Variants in MDGA2 observed in about 807,000 individuals in gnomAD.
MDGA2 encodes the protein MAM domain containing glycosylphosphatidylinositol anchor 2.
A neutral mutation model predicts 117.8 loss-of-function variants in MDGA2; 40 were observed. That is an observed-to-expected ratio of 0.34 (90% CI 0.26 to 0.44). MDGA2 has a LOEUF of 0.44. Among genes scored for constraint, MDGA2 ranks in the 20% least tolerant of loss-of-function variants. The pLI is 1.00. For missense variants in MDGA2, 1,123 were observed against 1,250.6 expected, an observed-to-expected ratio of 0.90 and a Z score of 1.54; for synonymous variants, 452 against 439.0, an observed-to-expected ratio of 1.03 and a Z score of -0.37.
intron 1 of MDGA2, among the ~76,000 whole-genome samples, chr14:47,627,946 C>T (rs147344985): frequency 1.6e-4 from 24 of 152,258 alleles, no homozygotes; most frequent in African/African-American, 3.6e-4. Flanking sequence ...GGACACGCCA[C>T]CTTTAAGAAC....
At chr14:47,297,004 T>C (rs1889096856) in intron 2 of MDGA2, among the ~76,000 whole-genome samples, 1 of 152,204 alleles carries the variant, frequency 6.6e-6, no homozygotes, top group Non-Finnish European at 1.5e-5. Flanking sequence ...CTGGCCCCAA[T>C]GCAGGGGTTT....
At position 47,143,690 on chromosome 14, in the gene MDGA2, A is replaced by AT. The variant is rs908086758; in HGVS notation, c.792+387dup. On this transcript the variant is annotated intron_variant, in intron 4 of 16. Transcript: ENST00000399232. ...AAATAAATTTCAAACAAGTTTCTTCATTTTTTTAATAGTTATTCACCATTT... is the reference window on the plus strand; with the variant it reads ...AAATAAATTTCAAACAAGTTTCTTCATTTTTTTTAATAGTTATTCACCATTT... Among the ~76,000 whole-genome samples, 14 of 152,094 alleles carry AT rather than the reference A, an allele frequency of 9.2e-5. No individual in the cohort carries two copies. In the South Asian group the frequency reaches 1.9e-3, roughly 20 times the overall value.
intron 1 of MDGA2, among the ~76,000 whole-genome samples, chr14:47,665,310 C>T (rs1897923552): frequency 6.6e-6 from 1 of 152,080 alleles, no homozygotes; most frequent in South Asian, 2.1e-4. Context: ...TTTGTTTTTC[C>T]ATTTGTTTCT....
chr14:47,255,087 T>C (rs1887573671), intron 2 of MDGA2, among the ~76,000 whole-genome samples: 2 of 152,312 alleles, frequency 1.3e-5, no homozygotes, highest in Admixed American at 6.5e-5. Context: ...CAAGATGACA[T>C]TTGGGTGGGG....
chr14:46,972,612 T>C (rs1425798384), intron 8 of MDGA2, among the ~76,000 whole-genome samples: 1 of 152,116 alleles, frequency 6.6e-6, no homozygotes, highest in Non-Finnish European at 1.5e-5. Context: ...ACATTCCAGA[T>C]AACAGGTTTA....
chr14:47,128,534 G>A (rs990148329), intron 5 of MDGA2, among the ~76,000 whole-genome samples: 3 of 152,062 alleles, frequency 2.0e-5, no homozygotes, highest in Non-Finnish European at 2.9e-5. Context: ...TTCATGCCAT[G>A]AAGAATAACA....
intron 14 of MDGA2, among the ~76,000 whole-genome samples, chr14:46,860,392 T>C (rs762351806): frequency 1.1e-4 from 17 of 152,072 alleles, no homozygotes; most frequent in Non-Finnish European, 2.1e-4. Context: ...GAACTAATCG[T>C]ATATTACAGA....
At position 47,297,329 on chromosome 14, in the gene MDGA2, T is replaced by A. The variant is rs1889107143; in HGVS notation, c.420+4082A>T. On this transcript the variant is annotated intron_variant, in intron 2 of 16. Coordinates refer to ENST00000399232, the MANE Select transcript of MDGA2 (RefSeq NM_001113498.3). ...TATGTTAAATATCCTACTGTTTAAG[T>A]CATTTACAAGAAGACTATATTTATA... 2.6e-5 allele frequency among the ~76,000 whole-genome samples: 4 copies of A among 151,726 alleles called. No homozygotes were observed. In the South Asian group the frequency reaches 8.3e-4, roughly 32 times the overall value.
chr14:47,018,154 TC>T (rs1269899233), intron 8 of MDGA2, among the ~76,000 whole-genome samples: 1 of 141,516 alleles, frequency 7.1e-6, no homozygotes, highest in Non-Finnish European at 1.6e-5. Flanking sequence ...ACTTTTTTTT[TC>T]CCCCCGTTCT....
chr14:47,593,142 G>T (rs1000414135), intron 1 of MDGA2, among the ~76,000 whole-genome samples: 1 of 152,104 alleles, frequency 6.6e-6, no homozygotes, highest in Non-Finnish European at 1.5e-5. Flanking sequence ...GTTCAACGTC[G>T]CTAATTATTT....
chr14:46,945,913 A>G (rs2138594594), intron 9 of MDGA2, among the ~76,000 whole-genome samples: 1 of 152,256 alleles, frequency 6.6e-6, no homozygotes, highest in Non-Finnish European at 1.5e-5. Flanking sequence ...GCTACAACAC[A>G]ATATTCAAAA....
intron 1 of MDGA2, among the ~76,000 whole-genome samples, chr14:47,352,207 C>A (rs983350999): frequency 2.6e-5 from 4 of 152,168 alleles, no homozygotes; most frequent in Admixed American, 1.3e-4. Flanking sequence ...CAAGGCTTCA[C>A]GGACAGCCCC....
chr14:47,202,745 A>C (rs1029719175), intron 3 of MDGA2, among the ~76,000 whole-genome samples: 1 of 152,228 alleles, frequency 6.6e-6, no homozygotes, highest in Non-Finnish European at 1.5e-5. Context: ...AAATTTATAC[A>C]AGTGACAGTG....
chr14:47,261,398 G>C (rs1277914674), intron 2 of MDGA2, among the ~76,000 whole-genome samples: 8 of 152,100 alleles, frequency 5.3e-5, no homozygotes, highest in Admixed American at 5.3e-4. Context: ...ATATCCAGAA[G>C]ATTTTAACAA....
At chr14:47,560,136 C>T (rs1895768951) in intron 1 of MDGA2, among the ~76,000 whole-genome samples, 1 of 150,724 alleles carries the variant, frequency 6.6e-6, no homozygotes, top group South Asian at 2.1e-4. Context: ...GGTGCTATCT[C>T]GGGTCACTGC....
chr14:47,162,452 G>C (rs1002550849), intron 3 of MDGA2, among the ~76,000 whole-genome samples: 5 of 152,034 alleles, frequency 3.3e-5, no homozygotes, highest in Non-Finnish European at 7.4e-5. Flanking sequence ...TTATTCTGCT[G>C]CCTTTTATCG....
At position 46,957,627 on chromosome 14, in the gene MDGA2, T is replaced by C. The variant is rs1279414389; in HGVS notation, c.1836A>G (p.Glu612=). ...QLIVQYPPAV[E]PAFLEIRQGQ... ...CTTGCCGGATTTCCAAGAATGCTGG[T>C]TCCACTGCAGGGGGATCTGTAGAAA... Residue 612 remains glutamate (E), a synonymous_variant, in exon 9 of 17, where the codon GAA becomes GAG. Transcript: ENST00000399232. The C allele has an allele frequency of 6.2e-7, 1 of 1,614,022 alleles. No homozygotes were observed.
chr14:47,602,771 T>C (rs1566536236), intron 1 of MDGA2, among the ~76,000 whole-genome samples: 1 of 152,298 alleles, frequency 6.6e-6, no homozygotes, highest in Admixed American at 6.5e-5. Flanking sequence ...GCCCAACATA[T>C]ACATTTCCCT....
chr14:47,201,211 C>T, intron 3 of MDGA2: 4 of 546,006 alleles, frequency 7.3e-6, no homozygotes, highest in Non-Finnish European at 3.4e-6. Flanking sequence ...GGTTTATAAC[C>T]CCTCTCTCTT....
Sources: allele counts gnomAD v4.1 joint callset (sites outside exome capture counted in the v4.1 genomes callset), GRCh38; gene constraint gnomAD v4.1.1; transcripts MANE v1.5; gene names NCBI Gene and HGNC (gene_info 2026-07-23, HGNC 2026-07-21).